The following UBL3 variants were observed in gnomAD, a reference collection of about 807,000 sequenced individuals.
UBL3 encodes the protein ubiquitin-like protein 3.
In UBL3, 6 loss-of-function variants were observed where a neutral mutation model predicts 18.4. That is an observed-to-expected ratio of 0.33 (90% CI 0.18 to 0.64). The LOEUF (loss-of-function observed/expected upper bound fraction) is 0.64. Ranked by LOEUF, UBL3 falls within the 30% of genes least tolerant of loss-of-function variation. The pLI, the probability that UBL3 is intolerant of heterozygous loss-of-function variation, is 0.76. For missense variants in UBL3, 109 were observed against 142.9 expected (o/e 0.76, Z 1.21); for synonymous variants, 49 against 46.6 (o/e 1.05, Z -0.21).
At chr13:29,784,227 G>A (rs565767855) in intron 1 of UBL3, among the ~76,000 whole-genome samples, 1 of 152,084 alleles carries the variant, frequency 6.6e-6, no homozygotes, top group Non-Finnish European at 1.5e-5. Context: ...AAAAAATGAC[G>A]GGAAAGAAAG....
intron 1 of UBL3, among the ~76,000 whole-genome samples, chr13:29,845,071 T>C (rs894073492): frequency 6.6e-6 from 1 of 152,164 alleles, no homozygotes; most frequent in East Asian, 1.9e-4. Flanking sequence ...ATTTGATACC[T>C]GTGTAAGAGG....
chr13:29,848,188 A>T (rs1004013395), intron 1 of UBL3, among the ~76,000 whole-genome samples: 2 of 150,616 alleles, frequency 1.3e-5, no homozygotes, highest in African/African-American at 4.9e-5. Context: ...TCACGCCTGT[A>T]ATCCCAGCAC....
At chr13:29,835,346 A>G (rs577861297) in intron 1 of UBL3, among the ~76,000 whole-genome samples, 4 of 150,684 alleles carry the variant, frequency 2.7e-5, no homozygotes, top group African/African-American at 2.4e-5. Context: ...TGAAGAAAGA[A>G]AAACTACCCA....
chr13:29,780,506 G>T (rs1167284710), intron 1 of UBL3, among the ~76,000 whole-genome samples: 6 of 149,492 alleles, frequency 4.0e-5, no homozygotes, highest in African/African-American at 1.5e-4. Flanking sequence ...GAAACTGATT[G>T]GTGAGAAGGT....
chr13:29,808,529 G>A (rs1342756614), intron 1 of UBL3, among the ~76,000 whole-genome samples: 1 of 152,080 alleles, frequency 6.6e-6, no homozygotes, highest in Non-Finnish European at 1.5e-5. Flanking sequence ...TGTCCTGGAA[G>A]CTAAGTTTCT....
intron 3 of UBL3, 46 bp downstream of exon 3, chr13:29,772,066 C>G: frequency 6.8e-7 from 1 of 1,478,740 alleles, no homozygotes; most frequent in Non-Finnish European, 9.3e-7. Context: ...GCGAATCATG[C>G]TACCATGAGA....
chr13:29,816,596 A>C (rs1471568232), intron 1 of UBL3, among the ~76,000 whole-genome samples: 2 of 146,286 alleles, frequency 1.4e-5, no homozygotes, highest in African/African-American at 5.0e-5. Flanking sequence ...TTGTATCTAC[A>C]AAAAAAAAAA....
At chr13:29,780,818 T>C (rs972959588) in intron 1 of UBL3, among the ~76,000 whole-genome samples, 4 of 152,302 alleles carry the variant, frequency 2.6e-5, no homozygotes, top group Non-Finnish European at 5.9e-5. Context: ...AATGTTTTAT[T>C]ACAGCAACTT....
intron 1 of UBL3, among the ~76,000 whole-genome samples, chr13:29,830,606 A>G (rs2139358170): frequency 6.6e-6 from 1 of 152,352 alleles, no homozygotes; most frequent in East Asian, 1.9e-4. Context: ...TACTGAACCA[A>G]CAGCCCTACT....
chr13:29,782,003 T>TA (rs886311621), intron 1 of UBL3, among the ~76,000 whole-genome samples: 56 of 142,858 alleles, frequency 3.9e-4, no homozygotes, highest in South Asian at 6.6e-4. Context: ...ACCCCATCTC[T>TA]AAAAAAAAAA....
At position 29,849,776 on chromosome 13, in the gene UBL3, G is replaced by C. The variant is rs1005692485; in HGVS notation, c.-238C>G. The C allele has an allele frequency of 1.7e-6, 1 of 599,422 alleles. No homozygotes were observed. The highest frequency in any genetic ancestry group is 3.0e-5 in the Admixed American group (1 of 33,312). 37.1% of individuals were successfully genotyped at this position (599,422 alleles called of 1,614,324 possible). On this transcript the variant is annotated 5_prime_UTR_variant, in exon 1 of 5. Transcript: ENST00000380680. ...AGGAGGAAACTCCCGGGACAGCAGA[G>C]GCAGCCCCCGTCGTCGTCGTCGTCG...
chr13:29,824,316 G>A (rs1878559266), intron 1 of UBL3, among the ~76,000 whole-genome samples: 1 of 152,172 alleles, frequency 6.6e-6, no homozygotes, highest in African/African-American at 2.4e-5. Context: ...TAGTTTTACA[G>A]TCCCACCAAC....
chr13:29,835,107 AATATATATATATATATAAATATAT>A (rs1566000966), intron 1 of UBL3, among the ~76,000 whole-genome samples: 10 of 23,778 alleles, frequency 4.2e-4, no homozygotes, highest in African/African-American at 1.0e-3. Context: ...TATATATATA[AATATATATATATATATAAATATAT>A]ATATATATAT....
At chr13:29,831,045 T>C (rs976166022) in intron 1 of UBL3, among the ~76,000 whole-genome samples, 1 of 152,110 alleles carries the variant, frequency 6.6e-6, no homozygotes, top group Admixed American at 6.5e-5. Context: ...TCTTTTTTCC[T>C]ATAACTCTGT....
chr13:29,831,859 C>T (rs1878784028), intron 1 of UBL3, among the ~76,000 whole-genome samples: 1 of 152,074 alleles, frequency 6.6e-6, no homozygotes, highest in South Asian at 2.1e-4. Context: ...TTTTAGTCCA[C>T]TGAAAGTATT....
At chr13:29,785,952 G>A (rs1486938933) in intron 1 of UBL3, among the ~76,000 whole-genome samples, 1 of 152,168 alleles carries the variant, frequency 6.6e-6, no homozygotes, top group Non-Finnish European at 1.5e-5. Context: ...CCTGAGTAGG[G>A]TGTGGAACAG....
chr13:29,821,397 T>A (rs756075072), intron 1 of UBL3, among the ~76,000 whole-genome samples: 62 of 152,232 alleles, frequency 4.1e-4, no homozygotes, highest in Non-Finnish European at 2.2e-4. Flanking sequence ...TTTTTACAGC[T>A]GTACTGCGTC....
At chr13:29,839,883 A>T (rs1328623308) in intron 1 of UBL3, among the ~76,000 whole-genome samples, 3 of 148,920 alleles carry the variant, frequency 2.0e-5, no homozygotes, top group Admixed American at 1.4e-4. Flanking sequence ...GCAGAGATGG[A>T]GCCACTGCAT....
At chr13:29,805,671 C>T (rs1461483638) in intron 1 of UBL3, among the ~76,000 whole-genome samples, 1 of 152,156 alleles carries the variant, frequency 6.6e-6, no homozygotes, top group African/African-American at 2.4e-5. Flanking sequence ...ATGGTTGAAA[C>T]ATCACAACAT....
Sources: allele counts gnomAD v4.1 joint callset (sites outside exome capture counted in the v4.1 genomes callset), GRCh38; gene constraint gnomAD v4.1.1; transcripts MANE v1.5; gene names NCBI Gene and HGNC (gene_info 2026-07-23, HGNC 2026-07-21).